The following FRAS1 variants were observed in gnomAD, a reference collection of about 807,000 sequenced individuals.
FRAS1 encodes extracellular matrix organizing protein FRAS1.
A neutral mutation model predicts 435.2 loss-of-function variants in FRAS1; 290 were observed. The ratio of observed to expected loss-of-function variants is 0.67; its 90% CI spans 0.61 to 0.73. The LOEUF is 0.73. FRAS1 is among the 30% of genes least tolerant of loss of function. The pLI is 0.00. For synonymous variants in FRAS1, 1,800 were observed against 1,851.0 expected (o/e 0.97, Z 0.71); for missense variants, 4,860 against 5,001.5 (o/e 0.97, Z 0.85).
chr4:78,236,312 T>TTTA (rs1230634272), intron 2 of FRAS1, among the ~76,000 whole-genome samples: 24 of 108,538 alleles, frequency 2.2e-4, no homozygotes, highest in African/African-American at 6.8e-4. Context: ...TTATTTATTT[T>TTTA]TTGGCTTTGA....
chr4:78,214,372 A>G (rs1723655731), intron 2 of FRAS1, among the ~76,000 whole-genome samples: 1 of 152,234 alleles, frequency 6.6e-6, no homozygotes, highest in South Asian at 2.1e-4. Flanking sequence ...TAACACATAA[A>G]TCAACTTTTG....
chr4:78,522,542 G>GAAGAA (rs1408589185), intron 68 of FRAS1, 107 bp from the exon 69 acceptor site: 1 of 974,490 alleles, frequency 1.0e-6, no homozygotes, highest in African/African-American at 1.7e-5. Context: ...TTGTTTGAGA[G>GAAGAA]AAGAACATTA....
chr4:78,301,172 A>G (rs546039172), intron 14 of FRAS1, among the ~76,000 whole-genome samples: 32 of 152,332 alleles, frequency 2.1e-4, no homozygotes, highest in Middle Eastern at 6.8e-3. Context: ...CAAGGCATTC[A>G]TTCTACCTAC....
chr4:78,209,649 G>T (rs976609141), intron 2 of FRAS1, among the ~76,000 whole-genome samples: 7 of 152,074 alleles, frequency 4.6e-5, no homozygotes, highest in African/African-American at 1.4e-4. Flanking sequence ...TCTATTTTCT[G>T]CCCTTTTCTC....
chr4:78,298,030 C>CTATATA lies in FRAS1; in HGVS notation c.1535-10018_1535-10013dup, dbSNP rs61446216. 1.2e-3 allele frequency among the ~76,000 whole-genome samples: 128 copies of CTATATA among 104,058 alleles called. 1 individual carries two copies. The highest frequency in any genetic ancestry group is 2.3e-3 in the African/African-American group (68 of 30,010). The allele number at this position is 104,058 out of a possible 152,430, so 68.3% of individuals were successfully genotyped here. On this transcript the variant is annotated intron_variant, in intron 14 of 73. Coordinates refer to ENST00000512123, the MANE Select transcript of FRAS1 (RefSeq NM_025074.7). ...TCTCTCTCTCTCTCTCTCTCTCTCT[C>CTATATA]TATATATATATATATATATATATTA...
intron 69 of FRAS1, among the ~76,000 whole-genome samples, chr4:78,526,160 G>T (rs1052748962): frequency 3.9e-5 from 6 of 152,156 alleles, no homozygotes; most frequent in Non-Finnish European, 8.8e-5. Context: ...ATTGAATAGG[G>T]TATCTGTCAT....
intron 6 of FRAS1, among the ~76,000 whole-genome samples, chr4:78,263,064 C>G (rs753958712): frequency 6.6e-5 from 10 of 152,194 alleles, no homozygotes; most frequent in Non-Finnish European, 1.2e-4. Flanking sequence ...GTGTATTAGA[C>G]TCTGTGGTTA....
At chr4:78,333,449 C>A in intron 19 of FRAS1, 37 bp downstream of exon 19, 1 of 1,592,742 alleles carries the variant, frequency 6.3e-7, no homozygotes, top group African/African-American at 1.3e-5. Flanking sequence ...TTGCCTATGA[C>A]CATGTTTTGT....
At chr4:78,072,804 AT>A (rs35214420) in intron 2 of FRAS1, among the ~76,000 whole-genome samples, 89,040 of 151,692 alleles carry the variant, frequency 0.59, 27,529 homozygotes, top group Middle Eastern at 0.7. Flanking sequence ...ATAAAAACTT[AT>A]TTTTTTTGCA....
intron 16 of FRAS1, among the ~76,000 whole-genome samples, chr4:78,316,365 T>C (rs1270219335): frequency 6.6e-6 from 1 of 152,208 alleles, no homozygotes; most frequent in Admixed American, 6.5e-5. Context: ...CTGAAACATA[T>C]GCCCACATCC....
chr4:78,313,432 T>C (rs1237935856), intron 15 of FRAS1, among the ~76,000 whole-genome samples: 1 of 151,132 alleles, frequency 6.6e-6, no homozygotes, highest in Non-Finnish European at 1.5e-5. Context: ...AGGGTGTAGA[T>C]GGATTAAGGG....
chr4:78,366,604 T>A (rs571640814), intron 22 of FRAS1, among the ~76,000 whole-genome samples: 3 of 152,186 alleles, frequency 2.0e-5, no homozygotes, highest in Non-Finnish European at 4.4e-5. Flanking sequence ...AAGAAGGTGA[T>A]TGAACCCCCA....
At chr4:78,517,920 C>A (rs1721259104) in intron 66 of FRAS1, among the ~76,000 whole-genome samples, 1 of 151,886 alleles carries the variant, frequency 6.6e-6, no homozygotes, top group Non-Finnish European at 1.5e-5. Flanking sequence ...GAACATGGTA[C>A]AAGGTCCAAA....
intron 43 of FRAS1, among the ~76,000 whole-genome samples, chr4:78,447,142 C>CA (rs201488280): frequency 0.025 from 3,755 of 149,542 alleles, 167 homozygotes; most frequent in African/African-American, 0.088. Flanking sequence ...TAACCTTAAG[C>CA]AAAAAAGTTT....
At chr4:78,509,036 C>A (rs1254214495) in intron 63 of FRAS1, 30 bp downstream of exon 63, 2 of 1,610,618 alleles carry the variant, frequency 1.2e-6, no homozygotes, top group African/African-American at 2.7e-5. Flanking sequence ...CCTGGTTCTC[C>A]CTCCCTGGGA....
intron 2 of FRAS1, among the ~76,000 whole-genome samples, chr4:78,138,921 C>T (rs1370502731): frequency 6.6e-6 from 1 of 152,112 alleles, no homozygotes; most frequent in Non-Finnish European, 1.5e-5. Flanking sequence ...GAAGATCTCT[C>T]TAAGTTCTGG....
chr4:78,255,711 T>C (rs1047064350), intron 6 of FRAS1, among the ~76,000 whole-genome samples: 1 of 152,246 alleles, frequency 6.6e-6, no homozygotes, highest in Non-Finnish European at 1.5e-5. Context: ...TTTGTTATTG[T>C]TTTTCATTGC....
At chr4:78,282,779 T>A in intron 11 of FRAS1, 41 bp from the exon 12 acceptor site, 1 of 1,607,942 alleles carries the variant, frequency 6.2e-7, no homozygotes, top group Non-Finnish European at 8.5e-7. Context: ...TCTGAATTAC[T>A]GCATCCTGAT....
rs753599245 is a variant in FRAS1, at chr4:78,446,048, T to C, written c.5856+336T>C. ...CTCTGAAATTGTGTTTGGTTCTATA[T>C]GCATATTTGCCTTTTCTTATTTTAC... On this transcript the variant is annotated intron_variant, in intron 42 of 73. Coordinates refer to ENST00000512123, the MANE Select transcript of FRAS1 (RefSeq NM_025074.7). 3.0e-4 allele frequency: 361 copies of C among 1,187,820 alleles called. 1 individual carries two copies. Among genetic ancestry groups the C allele is most frequent in the Middle Eastern group, 1.0e-3 (3 of 2,940 alleles). 73.6% of individuals were successfully genotyped at this position (1,187,820 alleles called of 1,614,324 possible).
Sources: gnomAD v4.1 joint callset for allele counts (sites outside exome capture counted in the v4.1 genomes callset) on GRCh38, gnomAD v4.1.1 for gene constraint, MANE v1.5 for transcripts, NCBI Gene and HGNC (gene_info 2026-07-23, HGNC 2026-07-21) for gene names.